PCDHA7: variants seen among roughly 807,000 people sequenced by gnomAD.
PCDHA7 encodes protocadherin alpha 7, also known as protocadherin alpha-7.
Under a neutral mutation model 57.2 loss-of-function variants are expected in PCDHA7, and 37 were observed. The ratio of observed to expected loss-of-function variants is 0.65; its 90% confidence interval spans 0.50 to 0.85. PCDHA7 has a LOEUF of 0.85. Among genes scored for constraint, PCDHA7 ranks in the 40% least tolerant of loss-of-function variants. The pLI is 0.00. For synonymous variants in PCDHA7, 553 were observed against 558.8 expected (o/e 0.99, Z 0.15); for missense variants, 1,188 against 1,241.8 (o/e 0.96, Z 0.65).
At chr5:140,886,554 A>G (rs2061020893) in intron 1 of PCDHA7, among the ~76,000 whole-genome samples, 1 of 152,078 alleles carries the variant, frequency 6.6e-6, no homozygotes, top group South Asian at 2.1e-4. Flanking sequence ...CCAGCTGGGC[A>G]CGGTGGCTCA....
At position 140,928,790 on chromosome 5, in the gene PCDHA7, G is replaced by T. The variant is rs370207805; in HGVS notation, c.2356-50159G>T. The T allele has an allele frequency of 9.3e-6, 15 of 1,614,058 alleles. No homozygotes were observed. Among genetic ancestry groups the T allele is most frequent in the Non-Finnish European group, 1.2e-5 (14 of 1,180,044 alleles). On this transcript the variant is annotated intron_variant, in intron 1 of 3. Coordinates refer to ENST00000525929, the MANE Select transcript of PCDHA7 (RefSeq NM_018910.3). The stretch of plus-strand genomic sequence containing the variant: ...CTTCCCACTGATGCAGTTAAGCAGA[G>T]GGTGGTGGTAGTGGTTCGGGACCAT...
At chr5:140,984,339 A>G (rs956761683) in intron 3 of PCDHA7, among the ~76,000 whole-genome samples, 2 of 152,246 alleles carry the variant, frequency 1.3e-5, no homozygotes, top group Non-Finnish European at 2.9e-5. Context: ...AATAGGAACC[A>G]TGTATTGATA....
chr5:140,932,351 A>G (rs1401387848), intron 1 of PCDHA7, among the ~76,000 whole-genome samples: 1 of 151,920 alleles, frequency 6.6e-6, no homozygotes, highest in African/African-American at 2.4e-5. Context: ...TTACCATACA[A>G]CTGGCCTTAT....
intron 1 of PCDHA7, chr5:140,863,394 G>A (rs1342756414): frequency 2.2e-6 from 2 of 929,190 alleles, no homozygotes; most frequent in South Asian, 1.3e-5. Context: ...CGTGCATGCC[G>A]GGCAAGCCCA....
chr5:140,835,026 A>G lies in PCDHA7; in HGVS notation c.643A>G (p.Thr215Ala). The G allele has an allele frequency of 1.5e-6, 2 of 1,336,268 alleles. No homozygotes were observed. The highest frequency in any genetic ancestry group is 2.0e-6 in the Non-Finnish European group (2 of 989,144). 82.8% of individuals were successfully genotyped at this position (1,336,268 alleles called of 1,614,324 possible). Residue 215 changes from threonine (T) to alanine (A), a missense_variant, in exon 1 of 4, where the codon ACC (threonine) becomes GCC (alanine). Thr to Ala is a moderately conservative substitution (Grantham distance 58). Transcript: ENST00000525929. Reference protein sequence around the residue: ...TPELHLLLTATDGGKPELTGT... With the variant: ...TPELHLLLTAADGGKPELTGT... The stretch of plus-strand genomic sequence containing the variant: ...GGAGCTTCATTTATTGCTCACGGCC[A>G]CCGATGGAGGCAAACCCGAGCTGAC...
At position 140,883,880 on chromosome 5, in the gene PCDHA7, C is replaced by T. The variant is rs782301944; in HGVS notation, c.2355+47142C>T. The stretch of plus-strand genomic sequence containing the variant: ...GCTGTTGCAGTTCCAGGTGAGCGCG[C>T]GCGACTCTGGCGTGCCGCCTCTGGG... On this transcript the variant is annotated intron_variant, in intron 1 of 3. Transcript: ENST00000525929. 20 of 1,613,304 alleles carry T rather than the reference C, an allele frequency of 1.2e-5. No homozygotes were observed. The Middle Eastern group carries it at 6.9e-4, about 56-fold the overall frequency.
chr5:140,836,877 C>T (rs937347859), intron 1 of PCDHA7, 139 bp downstream of exon 1: 1 of 682,570 alleles, frequency 1.5e-6, no homozygotes, highest in Non-Finnish European at 2.3e-6. Context: ...GCTGTATTTG[C>T]ACTAATTATT....
intron 1 of PCDHA7, among the ~76,000 whole-genome samples, chr5:140,838,078 G>T (rs1414212899): frequency 5.1e-3 from 32 of 6,318 alleles, no homozygotes; most frequent in East Asian, 4.1e-3. Context: ...TATATATATA[G>T]TGTGTGTGTG....
rs1019397100 is a variant in PCDHA7, at chr5:140,953,409, G to A, written c.2356-25540G>A. On this transcript the variant is annotated intron_variant, in intron 1 of 3. Transcript: ENST00000525929. ...TGTGGATTACAGTGCTGTTGCTCCTGGCTCCTCCCCTTTGTCCTTAAGCTG... is the reference window on the plus strand; with the variant it reads ...TGTGGATTACAGTGCTGTTGCTCCTAGCTCCTCCCCTTTGTCCTTAAGCTG... Among the ~76,000 whole-genome samples, 14 of 152,194 alleles carry A rather than the reference G, an allele frequency of 9.2e-5. No individual in the cohort carries two copies. The South Asian group carries it at 2.9e-3, about 32-fold the overall frequency.
chr5:140,926,533 A>G (rs957359754), intron 1 of PCDHA7: 23 of 211,100 alleles, frequency 1.1e-4, no homozygotes, highest in East Asian at 3.3e-4. Context: ...GCCCGCAGCC[A>G]GCGTGGTGGT....
intron 3 of PCDHA7, among the ~76,000 whole-genome samples, chr5:141,000,419 ATATTTTT>A (rs1397100244): frequency 3.9e-4 from 24 of 60,984 alleles, no homozygotes; most frequent in African/African-American, 1.8e-3. Flanking sequence ...ATATATATAT[ATATTTTT>A]TTTTTTTTTT....
At chr5:140,855,056 G>C (rs1045590902) in intron 1 of PCDHA7, among the ~76,000 whole-genome samples, 1 of 149,630 alleles carries the variant, frequency 6.7e-6, no homozygotes, top group Non-Finnish European at 1.5e-5. Flanking sequence ...GTACTTTTCT[G>C]TTTTCTTAAA....
At chr5:140,871,400 C>T (rs146613275) in intron 1 of PCDHA7, 4 of 1,614,128 alleles carry the variant, frequency 2.5e-6, no homozygotes, top group Non-Finnish European at 3.4e-6. Flanking sequence ...CCACCTAAGA[C>T]GGACCTCATG....
At chr5:140,866,161 G>A (rs782713244) in intron 1 of PCDHA7, 17 of 152,170 alleles carry the variant, frequency 1.1e-4, no homozygotes, top group East Asian at 1.9e-4. Context: ...AGTAAGAATC[G>A]TTTAACATGT....
intron 1 of PCDHA7, chr5:140,967,158 T>G (rs1586192830): frequency 6.2e-7 from 1 of 1,610,448 alleles, no homozygotes. Context: ...CCCGTGGCGG[T>G]GAGCGCCGTT....
At chr5:140,966,414 G>A (rs1310333281) in intron 1 of PCDHA7, 5 of 420,334 alleles carry the variant, frequency 1.2e-5, no homozygotes, top group African/African-American at 2.1e-5. Context: ...AATCAGAGCA[G>A]GACTTGCTGA....
chr5:140,989,235 T>G (rs1408596966), intron 3 of PCDHA7, among the ~76,000 whole-genome samples: 1 of 152,204 alleles, frequency 6.6e-6, no homozygotes, highest in Non-Finnish European at 1.5e-5. Context: ...AGCTGAAGTT[T>G]TAAGCCCCTT....
intron 3 of PCDHA7, among the ~76,000 whole-genome samples, chr5:140,987,901 T>C (rs1554249667): frequency 6.6e-6 from 1 of 152,180 alleles, no homozygotes. Context: ...TAGTTTTATA[T>C]GGGGATTTAT....
rs2150240514 is a variant in PCDHA7, at chr5:140,835,642, C to T, written c.1259C>T (p.Ala420Val). The T allele has an allele frequency of 1.2e-6, 2 of 1,613,940 alleles. No homozygotes were observed. The highest frequency in any genetic ancestry group is 2.2e-5 in the East Asian group (1 of 44,826). Residue 420 changes from alanine to valine, a missense_variant, in exon 1 of 4, where the codon GCC becomes GTC. By Grantham distance (64) the Ala-to-Val change is moderately conservative (BLOSUM62 0). Coordinates refer to ENST00000525929, the MANE Select transcript of PCDHA7 (RefSeq NM_018910.3). ...GCTCTGGACCGCGAGAGTGTGTCCGCCTATGAGCTGGTGGTTACCGCGCGG... is the reference window on the plus strand; with the variant it reads ...GCTCTGGACCGCGAGAGTGTGTCCGTCTATGAGCTGGTGGTTACCGCGCGG... ...DSALDRESVS[A>V]YELVVTARDG...
Sources: gnomAD v4.1 joint callset for allele counts (sites outside exome capture counted in the v4.1 genomes callset) on GRCh38, gnomAD v4.1.1 for gene constraint, MANE v1.5 for transcripts, NCBI Gene and HGNC (gene_info 2026-07-23, HGNC 2026-07-21) for gene names.